Variants in WWOX observed in about 807,000 individuals in gnomAD.
WWOX encodes the protein WW domain-containing oxidoreductase.
A neutral mutation model predicts 46.2 loss-of-function variants in WWOX; 69 were observed. The ratio of observed to expected loss-of-function variants is 1.49; its 90% CI spans 1.23 to 1.82. The LOEUF (loss-of-function observed/expected upper bound fraction) is 1.82. Among genes scored for constraint, WWOX ranks in the 40% most tolerant of loss-of-function variants. WWOX has a pLI of 0.00. For synonymous variants in WWOX, 359 were observed against 202.6 expected (o/e 1.77, Z -6.56); for missense variants, 919 against 542.6 (o/e 1.69, Z -6.89).
Position 78,498,801 on chromosome 16 carries a change from A to G in WWOX, c.1056+66049A>G, listed in dbSNP as rs111788061. 4.2e-3 allele frequency among the ~76,000 whole-genome samples: 640 copies of G among 152,280 alleles called. 8 individuals are homozygous for G. Among genetic ancestry groups the G allele is most frequent in the African/African-American group, 0.014 (598 of 41,558 alleles). Reference sequence around the variant, plus strand: ...CTATAATCTCGAACTCCTGGTTTCAAGTAGTCTTCCTGCCTTGGCCTCCCA... The same window carrying G: ...CTATAATCTCGAACTCCTGGTTTCAGGTAGTCTTCCTGCCTTGGCCTCCCA... On this transcript the variant is annotated intron_variant, in intron 8 of 8. Coordinates refer to ENST00000566780, the MANE Select transcript of WWOX (RefSeq NM_016373.4).
chr16:79,018,736 C>T (rs902213824), intron 8 of WWOX, among the ~76,000 whole-genome samples: 1 of 152,156 alleles, frequency 6.6e-6, no homozygotes, highest in Non-Finnish European at 1.5e-5. Context: ...AGCCATAAAC[C>T]AGGGTCTTTC....
At chr16:78,333,453 T>A (rs1239244349) in intron 5 of WWOX, among the ~76,000 whole-genome samples, 4 of 152,196 alleles carry the variant, frequency 2.6e-5, no homozygotes, top group Non-Finnish European at 5.9e-5. Flanking sequence ...GTGAGTGTAA[T>A]CTGTTCTGAT....
intron 8 of WWOX, among the ~76,000 whole-genome samples, chr16:78,608,123 G>C (rs1048945657): frequency 6.6e-6 from 1 of 152,184 alleles, no homozygotes; most frequent in African/African-American, 2.4e-5. Context: ...CTCCAAGCCT[G>C]AGAGTGCCTG....
At chr16:78,584,595 C>T (rs1174800836) in intron 8 of WWOX, among the ~76,000 whole-genome samples, 1 of 152,104 alleles carries the variant, frequency 6.6e-6, no homozygotes, top group East Asian at 1.9e-4. Context: ...GTTAGGCATG[C>T]TGTTGAGTGA....
intron 8 of WWOX, chr16:78,996,284 C>A (rs766760633): frequency 1.0e-6 from 1 of 984,884 alleles, no homozygotes; most frequent in Non-Finnish European, 1.2e-6. Flanking sequence ...TGGGTGCTCC[C>A]TGGAAGATGG....
chr16:78,425,176 A>G (rs985286987), intron 7 of WWOX, 121 bp downstream of exon 7: 5 of 1,338,270 alleles, frequency 3.7e-6, no homozygotes, highest in Non-Finnish European at 4.2e-6. Flanking sequence ...GGGTGGACTC[A>G]GCTTGGCTCA....
At chr16:78,271,915 A>G (rs576342453) in intron 5 of WWOX, among the ~76,000 whole-genome samples, 2 of 152,284 alleles carry the variant, frequency 1.3e-5, no homozygotes, top group South Asian at 2.1e-4. Flanking sequence ...GTTTTCCGGG[A>G]TAACTTAACA....
chr16:78,544,084 T>G (rs2043964199), intron 8 of WWOX, among the ~76,000 whole-genome samples: 4 of 152,168 alleles, frequency 2.6e-5, no homozygotes, highest in Admixed American at 2.0e-4. Context: ...GAAACCCATG[T>G]TTTTGACTTT....
chr16:78,967,651 G>C (rs2046388510), intron 8 of WWOX, among the ~76,000 whole-genome samples: 1 of 151,936 alleles, frequency 6.6e-6, no homozygotes, highest in Non-Finnish European at 1.5e-5. Context: ...GCCAAGACTG[G>C]TGTCATTCAG....
At chr16:79,201,635 A>G (rs764920513) in intron 8 of WWOX, among the ~76,000 whole-genome samples, 1 of 152,184 alleles carries the variant, frequency 6.6e-6, no homozygotes, top group South Asian at 2.1e-4. Context: ...CAACCATTAA[A>G]AAGTTTATGC....
At chr16:78,681,327 C>T (rs888470443) in intron 8 of WWOX, among the ~76,000 whole-genome samples, 2 of 152,102 alleles carry the variant, frequency 1.3e-5, no homozygotes, top group Admixed American at 1.3e-4. Flanking sequence ...ATGGCTTGAG[C>T]CCAGAGGTAG....
intron 8 of WWOX, among the ~76,000 whole-genome samples, chr16:79,092,942 T>C (rs1567544785): frequency 6.6e-6 from 1 of 152,210 alleles, no homozygotes; most frequent in East Asian, 1.9e-4. Context: ...TCATCTATAA[T>C]ATAGAATGCT....
intron 8 of WWOX, among the ~76,000 whole-genome samples, chr16:78,479,398 T>C (rs1384472469): frequency 6.6e-6 from 1 of 152,258 alleles, no homozygotes; most frequent in Admixed American, 6.5e-5. Context: ...GTTTAGAGAA[T>C]GCTTTCATTG....
chr16:78,188,274 G>A (rs898261742), intron 5 of WWOX, among the ~76,000 whole-genome samples: 17 of 152,208 alleles, frequency 1.1e-4, no homozygotes, highest in Admixed American at 3.9e-4. Flanking sequence ...CAGATCACGA[G>A]GTCAGGAGAT....
intron 4 of WWOX, among the ~76,000 whole-genome samples, chr16:78,125,793 A>G (rs916946365): frequency 1.3e-5 from 2 of 152,146 alleles, no homozygotes; most frequent in African/African-American, 4.8e-5. Context: ...AGTCTGGGGG[A>G]ATGGGAAGTA....
chr16:78,834,623 A>G (rs1407781183), intron 8 of WWOX, among the ~76,000 whole-genome samples: 1 of 152,208 alleles, frequency 6.6e-6, no homozygotes, highest in Non-Finnish European at 1.5e-5. Flanking sequence ...TTGCAGATGA[A>G]GACAGGGTTC....
intron 8 of WWOX, among the ~76,000 whole-genome samples, chr16:78,588,255 T>C (rs967232410): frequency 4.6e-5 from 7 of 152,230 alleles, no homozygotes; most frequent in African/African-American, 1.7e-4. Context: ...AACAGGTTCT[T>C]GCAGTTGGCA....
chr16:78,362,281 C>G (rs1436587482), intron 5 of WWOX, among the ~76,000 whole-genome samples: 1 of 151,958 alleles, frequency 6.6e-6, no homozygotes, highest in African/African-American at 2.4e-5. Context: ...AGACGAGACA[C>G]AGCAAGGTGA....
intron 4 of WWOX, chr16:78,119,029 A>C (rs532510274): frequency 6.6e-6 from 1 of 152,354 alleles, no homozygotes; most frequent in East Asian, 1.9e-4. Context: ...TCAGCATCTC[A>C]GTATCCAGGG....
Sources: allele counts gnomAD v4.1 joint callset (sites outside exome capture counted in the v4.1 genomes callset), GRCh38; gene constraint gnomAD v4.1.1; transcripts MANE v1.5; gene names NCBI Gene and HGNC (gene_info 2026-07-23, HGNC 2026-07-21).